The following SLC39A10 variants were observed in gnomAD, a reference collection of about 807,000 sequenced individuals.
The protein encoded by SLC39A10 is solute carrier family 39 member 10.
A neutral mutation model predicts 65.1 loss-of-function variants in SLC39A10; 13 were observed. That is an observed-to-expected ratio of 0.20 (90% confidence interval 0.13 to 0.32). SLC39A10 has a LOEUF of 0.32. Ranked by LOEUF, SLC39A10 falls within the 10% of genes least tolerant of loss-of-function variation. SLC39A10 has a pLI of 1.00. For missense variants in SLC39A10, 831 were observed against 1,018.4 expected, an observed-to-expected ratio of 0.82 and a Z score of 2.50; for synonymous variants, 321 against 342.2, an observed-to-expected ratio of 0.94 and a Z score of 0.68.
intron 1 of SLC39A10, chr2:195,670,371 C>T (rs548776704): frequency 1.2e-4 from 18 of 152,060 alleles, no homozygotes; most frequent in African/African-American, 3.6e-4. Flanking sequence ...TGACAACATT[C>T]AACAATATAG....
chr2:195,663,835 G>T (rs1365592389), intron 1 of SLC39A10, among the ~76,000 whole-genome samples: 36 of 145,982 alleles, frequency 2.5e-4, no homozygotes, highest in Non-Finnish European at 4.8e-4. Context: ...GGGGGTACAT[G>T]TACAGGTTTG....
At chr2:195,681,734 A>G (rs1456685663) in intron 2 of SLC39A10, among the ~76,000 whole-genome samples, 1 of 152,030 alleles carries the variant, frequency 6.6e-6, no homozygotes, top group Non-Finnish European at 1.5e-5. Flanking sequence ...TCTTACTGTT[A>G]TTATTGTTAG....
At chr2:195,655,972 T>G (rs1689136111), upstream of SLC39A10, among the ~76,000 whole-genome samples, 1 of 152,216 alleles carries the variant, frequency 6.6e-6, no homozygotes, top group Admixed American at 6.5e-5. Flanking sequence ...CCCAACTCTT[T>G]TCTCTACCTG....
intron 2 of SLC39A10, among the ~76,000 whole-genome samples, chr2:195,621,478 G>T (rs1455330244): frequency 6.6e-6 from 1 of 152,202 alleles, no homozygotes; most frequent in Non-Finnish European, 1.5e-5. Flanking sequence ...ACTGAATTCA[G>T]CGTAGGGGCA....
In SLC39A10 at chr2:195,633,711, C is replaced by T. The variant is rs540220847; in HGVS notation, c.-12+27478C>T. Among the ~76,000 whole-genome samples, 24 of 137,688 alleles carry T rather than the reference C, an allele frequency of 1.7e-4. No homozygotes were observed. In the South Asian group the frequency reaches 3.0e-3, roughly 17 times the overall value. 90.3% of individuals were successfully genotyped at this position (137,688 alleles called of 152,430 possible). ...AGGACAGTATTCTTCCCCTGAAGTC[C>T]GGCCATCTTTGCTGGACTCCACTCT... On this transcript the variant is annotated intron_variant, in intron 2 of 2. Transcript: ENST00000458054.
intron 2 of SLC39A10, among the ~76,000 whole-genome samples, chr2:195,622,635 G>C (rs73072029): frequency 0.19 from 29,647 of 152,160 alleles, 3,579 homozygotes; most frequent in East Asian, 0.59. Context: ...TCAAATGTTT[G>C]AGGGAGAAAT....
intron 2 of SLC39A10, among the ~76,000 whole-genome samples, chr2:195,624,677 C>A (rs189863820): frequency 1.6e-4 from 24 of 149,852 alleles, no homozygotes; most frequent in African/African-American, 5.6e-4. Context: ...GAGTTTAAGA[C>A]CTGCCTGGCC....
In SLC39A10 at chr2:195,711,678, G is replaced by A. The variant is rs115635339; in HGVS notation, c.1576-1755G>A. 6.9e-3 allele frequency among the ~76,000 whole-genome samples: 1,052 copies of A among 152,292 alleles called. 7 individuals are homozygous for A. Among genetic ancestry groups the A allele is most frequent in the African/African-American group, 0.024 (998 of 41,582 alleles). On this transcript the variant is annotated intron_variant, in intron 5 of 9. Transcript: ENST00000359634. ...AACTGTTTCAGCTTTCAAACCACAA[G>A]TTAAATAATACACTAGATGTTGACT...
intron 2 of SLC39A10, among the ~76,000 whole-genome samples, chr2:195,628,627 C>G (rs1362529753): frequency 1.3e-5 from 2 of 152,218 alleles, no homozygotes; most frequent in East Asian, 3.9e-4. Flanking sequence ...ATGTGATAAG[C>G]ACTTTGAAGA....
At chr2:195,734,850 T>C (rs1692540342) in intron 9 of SLC39A10, 33 bp from the exon 10 acceptor site, 8 of 1,566,776 alleles carry the variant, frequency 5.1e-6, no homozygotes, top group Non-Finnish European at 2.6e-6. Context: ...AGAAGTATTA[T>C]ACAAAGTTTA....
intron 1 of SLC39A10, among the ~76,000 whole-genome samples, chr2:195,667,311 C>T (rs1689671479): frequency 6.6e-6 from 1 of 152,086 alleles, no homozygotes; most frequent in African/African-American, 2.4e-5. Context: ...AAAAGCAAAC[C>T]ATGAAGCTGT....
chr2:195,680,493 C>A lies in SLC39A10; in HGVS notation c.451C>A (p.His151Asn). Residue 151 changes from histidine to asparagine, a missense_variant, in exon 2 of 10, where the codon CAT becomes AAT. Around this residue, in one of 4 missense-constraint regions of SLC39A10, gnomAD observed 446 missense variants for 499.2 expected, o/e 0.89. Coordinates refer to ENST00000359634, the MANE Select transcript of SLC39A10 (RefSeq NM_020342.3). ...GACCAGTGTATCCACAAAAAGAAAC[C>A]ATAAATGTGATCCAGAGAAAGAGAC... Reference protein sequence around the residue: ...TVTSVSTKRNHKCDPEKETVE... With the variant: ...TVTSVSTKRNNKCDPEKETVE... The A allele has an allele frequency of 6.2e-7, 1 of 1,614,078 alleles. No homozygotes were observed.
chr2:195,673,455 G>A (rs887783300), intron 1 of SLC39A10, among the ~76,000 whole-genome samples: 1 of 152,206 alleles, frequency 6.6e-6, no homozygotes, highest in Non-Finnish European at 1.5e-5. Flanking sequence ...ACAGTGCCCA[G>A]CCCAAAGTAT....
intron 8 of SLC39A10, among the ~76,000 whole-genome samples, chr2:195,718,661 TTTATTTC>T (rs1264326286): frequency 1.1e-4 from 17 of 152,162 alleles, no homozygotes; most frequent in African/African-American, 3.4e-4. Context: ...TTAATCTACT[TTTATTTC>T]ATATACCATG....
intron 1 of SLC39A10, among the ~76,000 whole-genome samples, chr2:195,665,173 T>A (rs1177476045): frequency 6.6e-6 from 1 of 152,100 alleles, no homozygotes; most frequent in Non-Finnish European, 1.5e-5. Context: ...AAAAATTAGC[T>A]GGGTGTGGTA....
chr2:195,715,051 A>G (rs1411511467), intron 6 of SLC39A10, among the ~76,000 whole-genome samples: 2 of 152,256 alleles, frequency 1.3e-5, no homozygotes, highest in Admixed American at 1.3e-4. Context: ...TGCGCCTGGC[A>G]ATGCTACAAA....
chr2:195,683,663 A>G (rs1426919969), intron 2 of SLC39A10, 36 bp from the exon 3 acceptor site: 5 of 1,517,068 alleles, frequency 3.3e-6, no homozygotes, highest in Non-Finnish European at 4.5e-6. Context: ...CCTTAAAGAC[A>G]CTCTTATTTA....
At chr2:195,664,173 C>T (rs766975231) in intron 1 of SLC39A10, among the ~76,000 whole-genome samples, 5 of 151,724 alleles carry the variant, frequency 3.3e-5, no homozygotes, top group Non-Finnish European at 7.4e-5. Context: ...TATATAATTT[C>T]TAAAACAAAT....
intron 1 of SLC39A10, chr2:195,657,959 T>TG (rs1468046592): frequency 8.8e-6 from 1 of 113,246 alleles, no homozygotes. Context: ...CTCGGCCTGC[T>TG]GGGGGTCCCT....
Sources: gnomAD v4.1 joint callset for allele counts (sites outside exome capture counted in the v4.1 genomes callset) on GRCh38, gnomAD v4.1.1 for gene constraint, gnomAD v4.1.1 regional missense constraint, MANE v1.5 for transcripts, NCBI Gene and HGNC (gene_info 2026-07-23, HGNC 2026-07-21) for gene names.